SCOC: variants seen among roughly 807,000 people sequenced by gnomAD.
SCOC encodes short coiled-coil protein.
Under a neutral mutation model 9.9 loss-of-function variants are expected in SCOC, and 7 were observed. That is an observed-to-expected ratio of 0.71 (90% CI 0.40 to 1.33). The LOEUF (loss-of-function observed/expected upper bound fraction) is 1.33, where lower values mean the gene tolerates loss of function less well. Ranked by LOEUF, SCOC falls within the 40% of genes most tolerant of loss-of-function variation. SCOC has a pLI of 0.01. For missense variants in SCOC, 66 were observed against 89.7 expected (o/e 0.74, Z 1.07); for synonymous variants, 19 against 28.2 (o/e 0.67, Z 1.03).
In SCOC at chr4:140,270,655, A is replaced by C. The variant is rs1311821169; in HGVS notation, c.-19+13245A>C. 3.9e-5 allele frequency among the ~76,000 whole-genome samples: 6 copies of C among 152,314 alleles called. 1 individual carries two copies. In the South Asian group the frequency reaches 1.2e-3, roughly 32 times the overall value. ...CTGGCAATGACTAGGATACAGGACT[A>C]GTGACCCAAATGTGAGAGCCCAGAG... On this transcript the variant is annotated intron_variant, in intron 1 of 4. Transcript: ENST00000394205.
intron 1 of SCOC, among the ~76,000 whole-genome samples, chr4:140,268,319 T>C (rs752723005): frequency 5.3e-5 from 8 of 152,200 alleles, no homozygotes; most frequent in Non-Finnish European, 8.8e-5. Context: ...AATTTAATAT[T>C]CTTATGTTTC....
intron 2 of SCOC, among the ~76,000 whole-genome samples, chr4:140,347,267 G>T (rs575018350): frequency 6.6e-6 from 1 of 152,132 alleles, no homozygotes; most frequent in African/African-American, 2.4e-5. Context: ...TCTTGGCTTT[G>T]GAGTACTGTG....
intron 1 of SCOC, among the ~76,000 whole-genome samples, chr4:140,319,371 A>G (rs60694109): frequency 0.019 from 2,859 of 152,208 alleles, 49 homozygotes; most frequent in South Asian, 0.085. Flanking sequence ...GATTACAGGC[A>G]TGAGCCACTG....
At chr4:140,291,291 T>C (rs949230800) in intron 1 of SCOC, 2 of 384,224 alleles carry the variant, frequency 5.2e-6, no homozygotes, top group Admixed American at 3.0e-5. Flanking sequence ...TTTTTTGTGA[T>C]AGGGGCTGCA....
chr4:140,346,786 A>C (rs11931851), intron 2 of SCOC, among the ~76,000 whole-genome samples: 2 of 152,110 alleles, frequency 1.3e-5, no homozygotes, highest in Non-Finnish European at 2.9e-5. Flanking sequence ...TGTCCATGCC[A>C]TCTAACCACA....
chr4:140,370,437 T>C (rs989567692), upstream of SCOC, among the ~76,000 whole-genome samples: 1 of 152,212 alleles, frequency 6.6e-6, no homozygotes, highest in Non-Finnish European at 1.5e-5. Context: ...CAGCCTTTTT[T>C]CAAAATCACC....
intron 1 of SCOC, among the ~76,000 whole-genome samples, chr4:140,276,238 G>A (rs894141553): frequency 4.6e-5 from 7 of 152,066 alleles, no homozygotes; most frequent in African/African-American, 1.2e-4. Flanking sequence ...TCCTGTCCTC[G>A]TGATCCGCCC....
chr4:140,290,193 T>C (rs547037736), intron 1 of SCOC, among the ~76,000 whole-genome samples: 1 of 152,346 alleles, frequency 6.6e-6, no homozygotes, highest in East Asian at 1.9e-4. Context: ...TTGTGCTGAA[T>C]AATAAAGTTC....
intron 1 of SCOC, among the ~76,000 whole-genome samples, chr4:140,299,109 T>G (rs889243368): frequency 6.6e-6 from 1 of 152,228 alleles, no homozygotes; most frequent in East Asian, 1.9e-4. Context: ...TGAGCCACCA[T>G]GTCCAGCTTT....
At chr4:140,347,596 G>A (rs7665150) in intron 2 of SCOC, among the ~76,000 whole-genome samples, 336 of 152,152 alleles carry the variant, frequency 2.2e-3, no homozygotes, top group African/African-American at 7.5e-3. Flanking sequence ...CTGGACACAC[G>A]CTCTGGATGA....
intron 2 of SCOC, among the ~76,000 whole-genome samples, chr4:140,348,302 T>G (rs948224431): frequency 2.6e-5 from 4 of 152,176 alleles, no homozygotes; most frequent in Admixed American, 2.6e-4. Context: ...GGCCAACATC[T>G]CCGCAATATC....
upstream of SCOC, among the ~76,000 whole-genome samples, chr4:140,342,482 T>C (rs187237306): frequency 9.8e-5 from 15 of 152,338 alleles, no homozygotes; most frequent in South Asian, 1.0e-3. Context: ...ATTTGCAGAA[T>C]ATAATTGAAA....
At chr4:140,306,438 C>T (rs1455278712) in intron 1 of SCOC, among the ~76,000 whole-genome samples, 1 of 152,178 alleles carries the variant, frequency 6.6e-6, no homozygotes, top group East Asian at 1.9e-4. Context: ...AAGAAAACAG[C>T]CCAAGTCAGG....
At chr4:140,287,150 A>G (rs1731300660) in intron 1 of SCOC, among the ~76,000 whole-genome samples, 1 of 152,070 alleles carries the variant, frequency 6.6e-6, no homozygotes, top group Non-Finnish European at 1.5e-5. Flanking sequence ...CACATGCCAC[A>G]CAGACCATGT....
At chr4:140,271,216 A>G (rs1730837906) in intron 1 of SCOC, among the ~76,000 whole-genome samples, 1 of 152,204 alleles carries the variant, frequency 6.6e-6, no homozygotes, top group African/African-American at 2.4e-5. Context: ...GATGATGGGC[A>G]TTGTGTTTGC....
At chr4:140,357,850 C>T (rs139825413) in intron 2 of SCOC, among the ~76,000 whole-genome samples, 9 of 87,942 alleles carry the variant, frequency 1.0e-4, no homozygotes, top group East Asian at 7.4e-4. Flanking sequence ...ATCTTTAATT[C>T]GTTATACCCC....
intron 2 of SCOC, among the ~76,000 whole-genome samples, chr4:140,352,320 T>G (rs550385240): frequency 1.3e-5 from 2 of 152,344 alleles, no homozygotes; most frequent in South Asian, 4.1e-4. Context: ...AAATCTTAAT[T>G]GGCATTTGGG....
At chr4:140,318,010 C>T (rs1732382773) in intron 1 of SCOC, among the ~76,000 whole-genome samples, 1 of 151,330 alleles carries the variant, frequency 6.6e-6, no homozygotes, top group South Asian at 2.1e-4. Flanking sequence ...CATCCATGTC[C>T]CTACAAAGGA....
chr4:140,268,505 T>A (rs1042849285), intron 1 of SCOC, among the ~76,000 whole-genome samples: 6 of 152,242 alleles, frequency 3.9e-5, no homozygotes, highest in Admixed American at 1.3e-4. Flanking sequence ...GGAGATCCTT[T>A]GTTGTGCTGG....
Sources: allele counts gnomAD v4.1 joint callset (sites outside exome capture counted in the v4.1 genomes callset), GRCh38; gene constraint gnomAD v4.1.1; transcripts MANE v1.5; gene names NCBI Gene and HGNC (gene_info 2026-07-23, HGNC 2026-07-21).